The following GLG1 variants were observed in gnomAD, a reference collection of about 807,000 sequenced individuals.
The protein encoded by GLG1 is golgi glycoprotein 1.
GLG1 carries 38 observed loss-of-function variants against 160.5 expected under a neutral mutation model. That is an observed-to-expected ratio of 0.24 (90% CI 0.18 to 0.31). The LOEUF (loss-of-function observed/expected upper bound fraction) is 0.31. GLG1 is among the 10% of genes least tolerant of loss of function. The pLI, the probability that GLG1 is intolerant of heterozygous loss-of-function variation, is 1.00. For synonymous variants in GLG1, 644 were observed against 543.4 expected, an observed-to-expected ratio of 1.19 and a Z score of -2.57; for missense variants, 1,373 against 1,505.2, an observed-to-expected ratio of 0.91 and a Z score of 1.45.
At chr16:74,557,641 G>C (rs1028061945) in intron 1 of GLG1, among the ~76,000 whole-genome samples, 1 of 152,194 alleles carries the variant, frequency 6.6e-6, no homozygotes, top group South Asian at 2.1e-4. Flanking sequence ...AGGAAGCAAA[G>C]GAGGCTAAAG....
At chr16:74,595,341 T>C (rs771546744) in intron 1 of GLG1, among the ~76,000 whole-genome samples, 1 of 151,636 alleles carries the variant, frequency 6.6e-6, no homozygotes, top group Non-Finnish European at 1.5e-5. Flanking sequence ...ATCGAGACCA[T>C]CCTGGCTAAC....
chr16:74,524,514 G>C (rs2017276264), intron 2 of GLG1, among the ~76,000 whole-genome samples: 2 of 151,384 alleles, frequency 1.3e-5, no homozygotes, highest in Non-Finnish European at 2.9e-5. Context: ...GGTATTTTAA[G>C]ATATGACAAC....
chr16:74,467,629 TG>T (rs1198470523), intron 18 of GLG1, 126 bp downstream of exon 18: 7 of 631,350 alleles, frequency 1.1e-5, no homozygotes, highest in African/African-American at 9.2e-5. Context: ...AGGGATGAGA[TG>T]GGTCCTGTCT....
At chr16:74,479,493 T>A (rs2015522826) in intron 11 of GLG1, among the ~76,000 whole-genome samples, 1 of 151,284 alleles carries the variant, frequency 6.6e-6, no homozygotes, top group African/African-American at 2.4e-5. Context: ...CACAGCAGTA[T>A]AAACACTGGG....
At chr16:74,493,429 T>C (rs2143392883) in intron 6 of GLG1, among the ~76,000 whole-genome samples, 1 of 152,342 alleles carries the variant, frequency 6.6e-6, no homozygotes, top group South Asian at 2.1e-4. Context: ...TCCCAATATG[T>C]TAACTTGACA....
chr16:74,477,427 T>C lies in GLG1; in HGVS notation c.1934A>G (p.Lys645Arg), dbSNP rs2015422840. 2 of 1,612,916 alleles carry C rather than the reference T, an allele frequency of 1.2e-6. No homozygotes were observed. Among genetic ancestry groups the C allele is most frequent in the Non-Finnish European group, 1.7e-6 (2 of 1,178,888 alleles). The change falls in exon 12 of 26, where the codon AAA (lysine) becomes AGA (arginine). Residue 645 changes from lysine to arginine, a missense_variant. By Grantham distance (26) the Lys-to-Arg change is conservative. Around this residue, in one of 4 missense-constraint regions of GLG1, gnomAD observed 386 missense variants for 388.5 expected, o/e 0.99. Coordinates refer to ENST00000422840, the MANE Select transcript of GLG1 (RefSeq NM_001145667.2). ...AGTCTCTGTTTTCTCACTGCACCATTTTCCCAGATCAATCAGGCACTTATC... is the reference window on the plus strand; with the variant it reads ...AGTCTCTGTTTTCTCACTGCACCATCTTCCCAGATCAATCAGGCACTTATC... ...LQDKCLIDLG[K>R]WCSEKTETGQ...
chr16:74,542,951 A>C (rs1176916112), intron 1 of GLG1, among the ~76,000 whole-genome samples: 1 of 152,122 alleles, frequency 6.6e-6, no homozygotes, highest in African/African-American at 2.4e-5. Flanking sequence ...ACAAAATACA[A>C]ATGAGGGATG....
At chr16:74,580,308 AC>A (rs1957909797) in intron 1 of GLG1, among the ~76,000 whole-genome samples, 1 of 151,610 alleles carries the variant, frequency 6.6e-6, no homozygotes, top group Non-Finnish European at 1.5e-5. Flanking sequence ...ACATGGCACA[AC>A]CCCCATCTCT....
At chr16:74,603,678 A>C (rs1027472863) in intron 1 of GLG1, among the ~76,000 whole-genome samples, 5 of 152,254 alleles carry the variant, frequency 3.3e-5, no homozygotes, top group South Asian at 2.1e-4. Flanking sequence ...TCAACCAAGA[A>C]TAAGTAAAGT....
At chr16:74,524,247 T>C (rs2017266320) in intron 2 of GLG1, among the ~76,000 whole-genome samples, 2 of 152,042 alleles carry the variant, frequency 1.3e-5, no homozygotes, top group Non-Finnish European at 2.9e-5. Context: ...ACAGCTCAAT[T>C]TTTTCCTTTT....
intron 11 of GLG1, among the ~76,000 whole-genome samples, chr16:74,478,013 T>TAAATAAATAAAAAAAA (rs548461001): frequency 1.3e-5 from 2 of 150,406 alleles, no homozygotes; most frequent in South Asian, 2.1e-4. Context: ...AATAAATAAA[T>TAAATAAATAAAAAAAA]AAAATGTGCA....
In GLG1 at chr16:74,508,027, A is replaced by G. The variant is rs1194600766; in HGVS notation, c.558+812T>C. Among the ~76,000 whole-genome samples, 3 of 151,952 alleles carry G rather than the reference A, an allele frequency of 2.0e-5. No individual in the cohort carries two copies. The East Asian group carries it at 5.8e-4, about 29-fold the overall frequency. ...CACTGCTTTAAAAGAATAAAACATA[A>G]CTGATCTAGTATTAGAAAGTTTGAG... On this transcript the variant is annotated intron_variant, in intron 3 of 25. Coordinates refer to ENST00000422840, the MANE Select transcript of GLG1 (RefSeq NM_001145667.2).
intron 1 of GLG1, among the ~76,000 whole-genome samples, chr16:74,576,984 T>C (rs1163041245): frequency 1.3e-5 from 2 of 151,556 alleles, no homozygotes; most frequent in African/African-American, 4.9e-5. Context: ...CCCAGTGGCA[T>C]GAACATAGCT....
chr16:74,509,356 T>C (rs1254670501), intron 2 of GLG1, among the ~76,000 whole-genome samples: 1 of 151,800 alleles, frequency 6.6e-6, no homozygotes, highest in African/African-American at 2.4e-5. Flanking sequence ...TTAAGATCCT[T>C]GGTAAGGTTT....
intron 1 of GLG1, among the ~76,000 whole-genome samples, chr16:74,567,865 G>T (rs1439025899): frequency 6.6e-6 from 1 of 152,048 alleles, no homozygotes; most frequent in African/African-American, 2.4e-5. Context: ...ACCGCGCCCG[G>T]CCATATGGTG....
At chr16:74,508,474 T>C (rs762893620) in intron 3 of GLG1, among the ~76,000 whole-genome samples, 52 of 152,298 alleles carry the variant, frequency 3.4e-4, no homozygotes, top group African/African-American at 8.2e-4. Flanking sequence ...TGTGGGTCAA[T>C]TGATCCAGCT....
intron 2 of GLG1, among the ~76,000 whole-genome samples, chr16:74,509,848 CA>C (rs34364918): frequency 5.6e-3 from 645 of 114,592 alleles, no homozygotes; most frequent in Middle Eastern, 0.014. Context: ...GACTCTGTCT[CA>C]AAAAAAAAAA....
chr16:74,499,078 C>T (rs141235124), intron 4 of GLG1, among the ~76,000 whole-genome samples: 7 of 152,074 alleles, frequency 4.6e-5, no homozygotes, highest in Non-Finnish European at 8.8e-5. Flanking sequence ...ATATCTACTG[C>T]GGACATGAAT....
Position 74,606,829 on chromosome 16 carries a change from T to C in GLG1, c.266A>G (p.Gln89Arg), listed in dbSNP as rs557131415. 175 of 1,602,152 alleles carry C rather than the reference T, an allele frequency of 1.1e-4. 1 individual carries two copies. In the Admixed American group the frequency reaches 3.0e-3, roughly 28 times the overall value. The change falls in exon 1 of 26, where the codon CAG (glutamine) becomes CGG (arginine). Residue 89 changes from glutamine to arginine, a missense_variant. Physicochemically the swap from Gln to Arg is conservative, Grantham distance 43. This residue lies in a region of GLG1 where 322 missense variants were observed against 254.6 expected (regional missense o/e 1.26). Coordinates refer to ENST00000422840, the MANE Select transcript of GLG1 (RefSeq NM_001145667.2). ...AGGCCCACCCGCCGGGAAAGGCGGC[T>C]GCGGCGGCTGAGGCTGCTGTTGCTG... ...QQQQQQPQPP[Q>R]PPFPAGGPPA...
Sources: gnomAD v4.1 joint callset for allele counts (sites outside exome capture counted in the v4.1 genomes callset) on GRCh38, gnomAD v4.1.1 for gene constraint, gnomAD v4.1.1 regional missense constraint, MANE v1.5 for transcripts, NCBI Gene and HGNC (gene_info 2026-07-23, HGNC 2026-07-21) for gene names.